Variants in STK25 observed in about 807,000 individuals in gnomAD.
STK25 encodes the protein serine/threonine kinase 25.
A neutral mutation model predicts 53.8 loss-of-function variants in STK25; 29 were observed. The observed-to-expected ratio is 0.54, with a 90% CI of 0.40 to 0.74. The LOEUF (loss-of-function observed/expected upper bound fraction) is 0.74, where lower values mean the gene tolerates loss of function less well. Among genes scored for constraint, STK25 ranks in the 30% least tolerant of loss-of-function variants. The probability of loss-of-function intolerance (pLI) is 0.00; values close to 1 mark genes in which losing one functional copy is unlikely to be tolerated. For synonymous variants in STK25, 247 were observed against 238.3 expected, an observed-to-expected ratio of 1.04 and a Z score of -0.33; for missense variants, 420 against 568.0, an observed-to-expected ratio of 0.74 and a Z score of 2.65.
At position 241,498,150 on chromosome 2, in the gene STK25, T is replaced by C. The variant is rs1305007543; in HGVS notation, c.1032+85A>G. 4.7e-6 allele frequency: 6 copies of C among 1,281,092 alleles called. No homozygotes were observed. In the Admixed American group the frequency reaches 6.8e-5, roughly 15 times the overall value. The allele number at this position is 1,281,092 out of a possible 1,614,324, so 79.4% of individuals were successfully genotyped here. On this transcript the variant is annotated intron_variant, in intron 9 of 11. Transcript: ENST00000316586. ...AGCTCCTTGTCCAAGCTCCAGACACTGGGTGGACAAAGCTGGGTCCCGCAT... is the reference window on the plus strand; with the variant it reads ...AGCTCCTTGTCCAAGCTCCAGACACCGGGTGGACAAAGCTGGGTCCCGCAT...
chr2:241,508,241 C>A (rs1372147480), intron 1 of STK25, 106 bp from the exon 2 acceptor site: 47 of 1,309,432 alleles, frequency 3.6e-5, no homozygotes, highest in Non-Finnish European at 4.1e-5. Flanking sequence ...ACCCCCCAGG[C>A]CGCCGGGGCC....
Position 241,495,463 on chromosome 2 carries a change from G to A in STK25, c.*199C>T, listed in dbSNP as rs547714387. The A allele has an allele frequency of 1.7e-4, 105 of 600,470 alleles. 1 individual carries two copies. In the Admixed American group the frequency reaches 2.0e-3, roughly 11 times the overall value. The allele number at this position is 600,470 out of a possible 1,614,324, so 37.2% of individuals were successfully genotyped here. ...GAGGGCAGTGGGCATAGAGAACAGC[G>A]TCCCTGACGTGCACAACAGCACACT... On this transcript the variant is annotated 3_prime_UTR_variant, in exon 12 of 12. Coordinates refer to ENST00000316586, the MANE Select transcript of STK25 (RefSeq NM_001271977.2).
chr2:241,505,193 C>G (rs1471987012), intron 2 of STK25, among the ~76,000 whole-genome samples: 1 of 152,028 alleles, frequency 6.6e-6, no homozygotes, highest in Non-Finnish European at 1.5e-5. Context: ...CTTCTGCCTG[C>G]TCCTCCTCCA....
chr2:241,495,491 AG>A lies in STK25; in HGVS notation c.*170del. The A allele has an allele frequency of 1.5e-6, 1 of 664,684 alleles. No individual in the cohort carries two copies. 41.2% of individuals were successfully genotyped at this position (664,684 alleles called of 1,614,324 possible). On this transcript the variant is annotated 3_prime_UTR_variant, in exon 12 of 12. Coordinates refer to ENST00000316586, the MANE Select transcript of STK25 (RefSeq NM_001271977.2). ...CCTGACGTGCACAACAGCACACTGC[AG>A]GGGTGGAAGGAGACGGTGACCTGGT...
In STK25 at chr2:241,507,241, C is replaced by T. The variant is rs536632679; in HGVS notation, c.30+765G>A. 8.5e-5 allele frequency among the ~76,000 whole-genome samples: 13 copies of T among 152,324 alleles called. No individual in the cohort carries two copies. In the South Asian group the frequency reaches 1.0e-3, roughly 12 times the overall value. ...GGTAGAGAATGCAAGTCCCCAGGCC[C>T]CAGGTTGGCTGACCCCACCCTCCTT... On this transcript the variant is annotated intron_variant, in intron 2 of 11. Transcript: ENST00000316586.
intron 8 of STK25, 124 bp downstream of exon 8, chr2:241,498,515 G>C (rs879111849): frequency 7.4e-7 from 1 of 1,354,888 alleles, no homozygotes; most frequent in Non-Finnish European, 1.0e-6. Context: ...CAGCCTTGAG[G>C]GGGTCCCTGC....
At position 241,493,131 on chromosome 2, in the gene STK25, C is replaced by T. The variant is rs1170922192; in HGVS notation, c.*2531G>A. On this transcript the variant is annotated 3_prime_UTR_variant, in exon 12 of 12. Transcript: ENST00000316586. ...GTCCCTTTTGTATTTTGGTTCTGCC[C>T]TCCCATGCTTTGCCCACACACCCTG... is the stretch of plus-strand genomic sequence containing the variant. 4 of 1,150,576 alleles carry T rather than the reference C, an allele frequency of 3.5e-6. No homozygotes were observed. The East Asian group carries it at 9.5e-5, about 27-fold the overall frequency. The allele number at this position is 1,150,576 out of a possible 1,614,324, so 71.3% of individuals were successfully genotyped here.
intron 2 of STK25, among the ~76,000 whole-genome samples, chr2:241,503,726 G>A (rs1400666565): frequency 2.7e-5 from 4 of 145,812 alleles, no homozygotes; most frequent in East Asian, 4.2e-4. Flanking sequence ...AAGGCAAAAC[G>A]ACTAATTATG....
Position 241,493,693 on chromosome 2 carries a change from C to A in STK25, c.*1969G>T, listed in dbSNP as rs935945315. The stretch of plus-strand genomic sequence containing the variant: ...CACTATAACCTGCACCTCCAGGGTT[C>A]AAGCGATTCTTCTGCCTCAGCCTCC... On this transcript the variant is annotated 3_prime_UTR_variant, in exon 12 of 12. Coordinates refer to ENST00000316586, the MANE Select transcript of STK25 (RefSeq NM_001271977.2). The A allele has an allele frequency of 1.9e-6, 1 of 536,052 alleles. No individual in the cohort carries two copies. The highest frequency in any genetic ancestry group is 3.3e-6 in the Non-Finnish European group (1 of 300,896). The allele number at this position is 536,052 out of a possible 1,614,324, so 33.2% of individuals were successfully genotyped here.
rs2124927825 is a variant in STK25, at chr2:241,493,558, A to G, written c.*2104T>C. The G allele has an allele frequency of 1.1e-6, 1 of 918,774 alleles. No homozygotes were observed. The highest frequency in any genetic ancestry group is 1.5e-5 in the South Asian group (1 of 65,906). 56.9% of individuals were successfully genotyped at this position (918,774 alleles called of 1,614,324 possible). ...TCTGGGCCCTGGAAAGGAAGGGCTG[A>G]GCAATGCTTCCAGCATTTCCAAAAA... On this transcript the variant is annotated 3_prime_UTR_variant, in exon 12 of 12. Coordinates refer to ENST00000316586, the MANE Select transcript of STK25 (RefSeq NM_001271977.2).
intron 5 of STK25, chr2:241,499,952 C>T (rs1338527520): frequency 1.5e-6 from 1 of 650,938 alleles, no homozygotes; most frequent in South Asian, 1.5e-5. Context: ...CTTTCCTACA[C>T]TCAGTCCACA....
rs2065966584 is a variant in STK25, at chr2:241,508,154, G to A, written c.-100-19C>T. On this transcript the variant is annotated intron_variant, in intron 1 of 11. Coordinates refer to ENST00000316586, the MANE Select transcript of STK25 (RefSeq NM_001271977.2). ...CAGTCCACTGCGAGGGACACCAGGG[G>A]CGCTCGGTGCCCAGTTCAGTCATCT... The A allele has an allele frequency of 6.8e-7, 1 of 1,468,728 alleles. No individual in the cohort carries two copies. Among genetic ancestry groups the A allele is most frequent in the Non-Finnish European group, 9.0e-7 (1 of 1,112,932 alleles). 91.0% of individuals were successfully genotyped at this position (1,468,728 alleles called of 1,614,324 possible).
chr2:241,508,313 C>G (rs1670142749), intron 1 of STK25, 130 bp downstream of exon 1: 2 of 1,243,086 alleles, frequency 1.6e-6, no homozygotes, highest in Non-Finnish European at 2.0e-6. Context: ...CGTCGCCGCC[C>G]CCACCTCTTC....
chr2:241,495,618 A>AAAAAC lies in STK25; in HGVS notation c.*39_*43dup. 6.2e-7 allele frequency: 1 copy of AAAAAC among 1,611,892 alleles called. No homozygotes were observed. The highest frequency in any genetic ancestry group is 8.5e-7 in the Non-Finnish European group (1 of 1,177,938). On this transcript the variant is annotated 3_prime_UTR_variant, in exon 12 of 12. Coordinates refer to ENST00000316586, the MANE Select transcript of STK25 (RefSeq NM_001271977.2). ...GCACAGTTCTTATGGAGCTCAGAAC[A>AAAAAC]AAAACAAACGACCTTCCGTCCCCTA...
chr2:241,493,474 CTG>C lies in STK25; in HGVS notation c.*2186_*2187del. The C allele has an allele frequency of 6.2e-7, 1 of 1,608,594 alleles. No individual in the cohort carries two copies. Among genetic ancestry groups the C allele is most frequent in the African/African-American group, 1.3e-5 (1 of 74,944 alleles). ...TTTTGCAGGAGGCAGCCCTGGTCAGCTGCCCATTTCGATGTCCGCTCAGCTCC... is the reference window on the plus strand; with the variant it reads ...TTTTGCAGGAGGCAGCCCTGGTCAGCCCCATTTCGATGTCCGCTCAGCTCC... On this transcript the variant is annotated 3_prime_UTR_variant, in exon 12 of 12. Transcript: ENST00000316586.
intron 4 of STK25, 48 bp from the exon 5 acceptor site, chr2:241,500,329 C>T: frequency 1.5e-6 from 2 of 1,375,286 alleles, no homozygotes; most frequent in Non-Finnish European, 2.1e-6. Context: ...GTCCCAGGCC[C>T]AATGCCTGAG....
Position 241,501,500 on chromosome 2 carries a change from C to CG in STK25, c.238dup (p.Arg80ProfsTer29). The CG allele has an allele frequency of 6.2e-7, 1 of 1,614,042 alleles. No individual in the cohort carries two copies. The highest frequency in any genetic ancestry group is 8.5e-7 in the Non-Finnish European group (1 of 1,179,998). On this transcript the variant is annotated frameshift_variant, in exon 3 of 12. Transcript: ENST00000316586. LOFTEE classifies it high-confidence loss of function. This position sits in a 1 kb window ranked among gnomAD's most constrained non-coding sequence, Gnocchi z 5.3. The stretch of plus-strand genomic sequence containing the variant: ...CACCTTTAGGTAGGAGCCAAAGTAG[C>CG]GGGTGATGTAGGGGCTGTCGCACTG...
At position 241,497,716 on chromosome 2, in the gene STK25, C is replaced by A. The variant is rs1037631349; in HGVS notation, c.1033-29G>T. On this transcript the variant is annotated intron_variant, in intron 9 of 11. Transcript: ENST00000316586. ...CAAAGGAGTGGAGGCCCAGGGTGAG[C>A]AGGGCAGTGCAGGTGACAGGCAGGG... 2.5e-6 allele frequency: 4 copies of A among 1,608,098 alleles called. No homozygotes were observed. The African/African-American group carries it at 5.3e-5, about 21-fold the overall frequency.
At position 241,493,248 on chromosome 2, in the gene STK25, T is replaced by G. The variant is rs1574924679; in HGVS notation, c.*2414A>C. 6.2e-7 allele frequency: 1 copy of G among 1,600,960 alleles called. No homozygotes were observed. The highest frequency in any genetic ancestry group is 8.5e-7 in the Non-Finnish European group (1 of 1,170,714). ...GTAGCAGAGGAATGGGCATTCCCTG[T>G]GGCAACCCAGCCCCTGGAACCCGTG... On this transcript the variant is annotated 3_prime_UTR_variant, in exon 12 of 12. Transcript: ENST00000316586.
Sources: gnomAD v4.1 joint callset for allele counts (sites outside exome capture counted in the v4.1 genomes callset) on GRCh38, gnomAD v4.1.1 for gene constraint, Gnocchi (gnomAD v3.1) non-coding constraint, MANE v1.5 for transcripts, NCBI Gene and HGNC (gene_info 2026-07-23, HGNC 2026-07-21) for gene names.